The following HLA-DMA variants were observed in gnomAD, a reference collection of about 807,000 sequenced individuals.
HLA-DMA encodes major histocompatibility complex, class II, DM alpha, also known as HLA class II histocompatibility antigen, DM alpha chain.
A neutral mutation model predicts 27.3 loss-of-function variants in HLA-DMA; 20 were observed. The ratio of observed to expected loss-of-function variants is 0.73; its 90% CI spans 0.52 to 1.07. HLA-DMA has a LOEUF of 1.07. HLA-DMA is among the 50% of genes least tolerant of loss of function. The pLI is 0.00. For synonymous variants in HLA-DMA, 111 were observed against 126.8 expected (o/e 0.88, Z 0.83); for missense variants, 241 against 321.7 (o/e 0.75, Z 1.92).
At position 32,949,597 on chromosome 6, in the gene HLA-DMA, G is replaced by T. The variant is rs1197463982; in HGVS notation, c.652+14C>A. 2 of 1,612,006 alleles carry T rather than the reference G, an allele frequency of 1.2e-6. No homozygotes were observed. Among genetic ancestry groups the T allele is most frequent in the Non-Finnish European group, 1.7e-6 (2 of 1,178,972 alleles). On this transcript the variant is annotated intron_variant, in intron 3 of 4. Coordinates refer to ENST00000374843, the MANE Select transcript of HLA-DMA (RefSeq NM_006120.4). This position sits in a 1 kb window ranked among gnomAD's most constrained non-coding sequence, Gnocchi z 5.8. ...GCCCCCAAAAGGACCAGAATTCCAG[G>T]GAGAAAGCCTCACCCCAATAGGCAA...
Position 32,949,945 on chromosome 6 carries a change from T to G in HLA-DMA, c.374-56A>C. The G allele has an allele frequency of 1.9e-6, 3 of 1,571,586 alleles. No homozygotes were observed. Among genetic ancestry groups the G allele is most frequent in the Non-Finnish European group, 2.6e-6 (3 of 1,150,180 alleles). ...AAGAGACTAGTTTAGATGGTATCTCTGTGTTTGGAGGGGCCATGGCATATG... is the reference window on the plus strand; with the variant it reads ...AAGAGACTAGTTTAGATGGTATCTCGGTGTTTGGAGGGGCCATGGCATATG... On this transcript the variant is annotated intron_variant, in intron 2 of 4. Transcript: ENST00000374843. The surrounding 1 kb of genome is among the most constrained non-coding windows in gnomAD (Gnocchi z 5.8).
intron 1 of HLA-DMA, among the ~76,000 whole-genome samples, chr6:32,951,650 C>T (rs751202115): frequency 3.9e-5 from 6 of 151,974 alleles, no homozygotes; most frequent in Non-Finnish European, 8.8e-5. Flanking sequence ...ATATAAAGGC[C>T]GGGCGCGGTG....
chr6:32,950,472 G>A lies in HLA-DMA; in HGVS notation c.373+47C>T. Reference sequence around the variant, plus strand: ...GGAATTATTCAGTGTACAGATCAATGAGGTTAATGCAGCCCTCCTCCCTTC... The same window carrying A: ...GGAATTATTCAGTGTACAGATCAATAAGGTTAATGCAGCCCTCCTCCCTTC... On this transcript the variant is annotated intron_variant, in intron 2 of 4. Transcript: ENST00000374843. This position sits in a 1 kb window ranked among gnomAD's most constrained non-coding sequence, Gnocchi z 5.0. 6.3e-7 allele frequency: 1 copy of A among 1,590,738 alleles called. No individual in the cohort carries two copies. Among genetic ancestry groups the A allele is most frequent in the Non-Finnish European group, 8.6e-7 (1 of 1,161,048 alleles).
chr6:32,949,937 G>A lies in HLA-DMA; in HGVS notation c.374-48C>T, dbSNP rs1328609620. Reference sequence around the variant, plus strand: ...GGGGGAAAAAGAGACTAGTTTAGATGGTATCTCTGTGTTTGGAGGGGCCAT... The same window carrying A: ...GGGGGAAAAAGAGACTAGTTTAGATAGTATCTCTGTGTTTGGAGGGGCCAT... On this transcript the variant is annotated intron_variant, in intron 2 of 4. Transcript: ENST00000374843. This position sits in a 1 kb window ranked among gnomAD's most constrained non-coding sequence, Gnocchi z 5.8. The A allele has an allele frequency of 6.3e-7, 1 of 1,587,906 alleles. No homozygotes were observed. Among genetic ancestry groups the A allele is most frequent in the East Asian group, 2.2e-5 (1 of 44,596 alleles).
chr6:32,948,901 C>T (rs1776765226), intron 4 of HLA-DMA, 33 bp from the exon 5 acceptor site: 1 of 1,611,096 alleles, frequency 6.2e-7, no homozygotes, highest in East Asian at 2.2e-5. Flanking sequence ...GGAAAGGCAT[C>T]AGGGGATCCA....
chr6:32,948,920 C>A, intron 4 of HLA-DMA, 52 bp from the exon 5 acceptor site: 1 of 1,588,930 alleles, frequency 6.3e-7, no homozygotes, highest in Non-Finnish European at 8.6e-7. Context: ...CATCCTCCTC[C>A]TCCTTCTCCT....
Position 32,949,940 on chromosome 6 carries a change from A to ATCTC in HLA-DMA, c.374-55_374-52dup. The ATCTC allele has an allele frequency of 6.3e-7, 1 of 1,583,054 alleles. No individual in the cohort carries two copies. Among genetic ancestry groups the ATCTC allele is most frequent in the East Asian group, 2.2e-5 (1 of 44,576 alleles). On this transcript the variant is annotated intron_variant, in intron 2 of 4. Coordinates refer to ENST00000374843, the MANE Select transcript of HLA-DMA (RefSeq NM_006120.4). This position sits in a 1 kb window ranked among gnomAD's most constrained non-coding sequence, Gnocchi z 5.8. ...GGAAAAAGAGACTAGTTTAGATGGT[A>ATCTC]TCTCTGTGTTTGGAGGGGCCATGGC... is the stretch of plus-strand genomic sequence containing the variant.
In HLA-DMA at chr6:32,949,598, G is replaced by C. The variant is rs1251379786; in HGVS notation, c.652+13C>G. 2 of 1,612,452 alleles carry C rather than the reference G, an allele frequency of 1.2e-6. No homozygotes were observed. The highest frequency in any genetic ancestry group is 8.5e-7 in the Non-Finnish European group (1 of 1,179,292). ...CCCCCAAAAGGACCAGAATTCCAGG[G>C]AGAAAGCCTCACCCCAATAGGCAAT... On this transcript the variant is annotated intron_variant, in intron 3 of 4. Transcript: ENST00000374843. The surrounding 1 kb of genome is among the most constrained non-coding windows in gnomAD (Gnocchi z 5.8).
Position 32,949,903 on chromosome 6 carries a change from T to C in HLA-DMA, c.374-14A>G. ...CGATAGGAAACCCTGGTGGGGGGAT[T>C]GAAGTGTAGGGGGAAAAAGAGACTA... On this transcript the variant is annotated splice_polypyrimidine_tract_variant and intron_variant, in intron 2 of 4. Transcript: ENST00000374843. This position sits in a 1 kb window ranked among gnomAD's most constrained non-coding sequence, Gnocchi z 5.8. 1 of 1,610,986 alleles carries C rather than the reference T, an allele frequency of 6.2e-7. No individual in the cohort carries two copies.
chr6:32,951,451 G>A (rs770969060), intron 1 of HLA-DMA, among the ~76,000 whole-genome samples: 1 of 134,552 alleles, frequency 7.4e-6, no homozygotes, highest in Admixed American at 7.2e-5. Flanking sequence ...GCAACACAGC[G>A]AGACCCTGTC....
rs1398567879 is a variant in HLA-DMA, at chr6:32,950,573, A to G, written c.319T>C (p.Trp107Arg). 3 of 1,612,754 alleles carry G rather than the reference A, an allele frequency of 1.9e-6. No homozygotes were observed. The highest frequency in any genetic ancestry group is 2.5e-6 in the Non-Finnish European group (3 of 1,180,006). The part of the protein sequence containing the change: ...AILFDKEFCE[W>R]MIQQIGPKLD... ...TTTGGCCCTATTTGCTGGATCATCC[A>G]CTCGCAGAACTCTTTGTCAAATAAA... The change falls in exon 2 of 5, where the codon TGG becomes CGG. Residue 107 changes from tryptophan to arginine, a missense_variant. Coordinates refer to ENST00000374843, the MANE Select transcript of HLA-DMA (RefSeq NM_006120.4). This position sits in a 1 kb window ranked among gnomAD's most constrained non-coding sequence, Gnocchi z 5.0.
chr6:32,950,701 T>A lies in HLA-DMA; in HGVS notation c.191A>T (p.Asp64Val). 6.2e-7 allele frequency: 1 copy of A among 1,613,046 alleles called. No homozygotes were observed. Among genetic ancestry groups the A allele is most frequent in the Non-Finnish European group, 8.5e-7 (1 of 1,180,026 alleles). Residue 64 changes from aspartate (D) to valine (V), a missense_variant, in exon 2 of 5, where the codon GAC becomes GTC. Coordinates refer to ENST00000374843, the MANE Select transcript of HLA-DMA (RefSeq NM_006120.4). The surrounding 1 kb of genome is among the most constrained non-coding windows in gnomAD (Gnocchi z 5.0). The stretch of plus-strand genomic sequence containing the variant: ...GTCGAAGAAGAAAAGCTGGTCCTCG[T>A]CGTAGGCCTCAGAGAGTCCCACACT... ...SPSVGLSEAY[D>V]EDQLFFFDFS...
Position 32,949,904 on chromosome 6 carries a change from GA to G in HLA-DMA, c.374-16del, listed in dbSNP as rs1237803013. 5.0e-6 allele frequency: 8 copies of G among 1,610,720 alleles called. No homozygotes were observed. The highest frequency in any genetic ancestry group is 6.8e-6 in the Non-Finnish European group (8 of 1,178,616). ...GATAGGAAACCCTGGTGGGGGGATT[GA>G]AGTGTAGGGGGAAAAAGAGACTAGT... On this transcript the variant is annotated splice_polypyrimidine_tract_variant and intron_variant, in intron 2 of 4. Coordinates refer to ENST00000374843, the MANE Select transcript of HLA-DMA (RefSeq NM_006120.4). This position sits in a 1 kb window ranked among gnomAD's most constrained non-coding sequence, Gnocchi z 5.8.
chr6:32,953,051 C>G lies in HLA-DMA; in HGVS notation c.-15G>C, dbSNP rs546936835. On this transcript the variant is annotated 5_prime_UTR_variant, in exon 1 of 5. Transcript: ENST00000374843. ...TCATGACCCATACCTTCTTGCCACA[C>G]AGTAGGTAGGAGCTACCAACCCAGC... 1.9e-6 allele frequency: 3 copies of G among 1,605,624 alleles called. No homozygotes were observed. The highest frequency in any genetic ancestry group is 2.2e-5 in the South Asian group (2 of 90,852).
chr6:32,952,405 T>A (rs1776943789), intron 1 of HLA-DMA: 1 of 471,680 alleles, frequency 2.1e-6, no homozygotes, highest in South Asian at 1.5e-5. Context: ...CATAACTGCA[T>A]AAAATAATCC....
At chr6:32,952,781 C>A (rs1776957868) in intron 1 of HLA-DMA, among the ~76,000 whole-genome samples, 168 bp downstream of exon 1, 1 of 152,216 alleles carries the variant, frequency 6.6e-6, no homozygotes, top group African/African-American at 2.4e-5. Flanking sequence ...TGCAAAGCAT[C>A]ACTGATATCG....
At position 32,950,991 on chromosome 6, in the gene HLA-DMA, C is replaced by G. The variant is rs1776873235; in HGVS notation, c.89-188G>C. Among the ~76,000 whole-genome samples, 1 of 152,006 alleles carries G rather than the reference C, an allele frequency of 6.6e-6. No individual in the cohort carries two copies. Among genetic ancestry groups the G allele is most frequent in the South Asian group, 2.1e-4 (1 of 4,814 alleles). Reference sequence around the variant, plus strand: ...CCAGCATGGTGAAACTCCGTCTCTACTAAAAATACAAAAAAGTAGCTGGGC... The same window carrying G: ...CCAGCATGGTGAAACTCCGTCTCTAGTAAAAATACAAAAAAGTAGCTGGGC... On this transcript the variant is annotated intron_variant, in intron 1 of 4. Transcript: ENST00000374843. This position sits in a 1 kb window ranked among gnomAD's most constrained non-coding sequence, Gnocchi z 5.0.
At chr6:32,951,381 G>A (rs1379682818) in intron 1 of HLA-DMA, among the ~76,000 whole-genome samples, 1 of 152,162 alleles carries the variant, frequency 6.6e-6, no homozygotes, top group Non-Finnish European at 1.5e-5. Flanking sequence ...TGTAATCCCA[G>A]CACTTTGGGA....
In HLA-DMA at chr6:32,950,373, G is replaced by A; in HGVS notation, c.373+146C>T. On this transcript the variant is annotated intron_variant, in intron 2 of 4. Transcript: ENST00000374843. This position sits in a 1 kb window ranked among gnomAD's most constrained non-coding sequence, Gnocchi z 5.0. ...GCCCACCAAAAGAACACAGGGTGCA[G>A]ACCAAGGCTGGTGGAAAAATTAAGG... 9.8e-7 allele frequency: 1 copy of A among 1,019,768 alleles called. No homozygotes were observed. The highest frequency in any genetic ancestry group is 1.5e-5 in the South Asian group (1 of 65,400). The allele number at this position is 1,019,768 out of a possible 1,614,324, so 63.2% of individuals were successfully genotyped here.
Sources: allele counts gnomAD v4.1 joint callset (sites outside exome capture counted in the v4.1 genomes callset), GRCh38; gene constraint gnomAD v4.1.1; non-coding constraint Gnocchi (gnomAD v3.1); transcripts MANE v1.5; gene names NCBI Gene and HGNC (gene_info 2026-07-23, HGNC 2026-07-21).